PCDH15: variants seen among roughly 807,000 people sequenced by gnomAD.
The protein encoded by PCDH15 is protocadherin-15.
In PCDH15, 129 loss-of-function variants were observed where a neutral mutation model predicts 178.5. That is an observed-to-expected ratio of 0.72 (90% confidence interval 0.63 to 0.84). The LOEUF (loss-of-function observed/expected upper bound fraction) is 0.84. Ranked by LOEUF, PCDH15 falls within the 40% of genes least tolerant of loss-of-function variation. The pLI, the probability that PCDH15 is intolerant of heterozygous loss-of-function variation, is 0.00. For synonymous variants in PCDH15, 800 were observed against 732.0 expected (o/e 1.09, Z -1.50); for missense variants, 2,230 against 2,099.9 (o/e 1.06, Z -1.21).
chr10:54,344,904 C>CAAAAAAAAAAAAA (rs57295345), intron 6 of PCDH15, among the ~76,000 whole-genome samples: 7 of 78,888 alleles, frequency 8.9e-5, no homozygotes, highest in Non-Finnish European at 1.4e-4. Context: ...AGAAACAAAG[C>CAAAAAAAAAAAAA]AAAAAAAAAA....
rs1425011201 is a variant in PCDH15 at position 53,866,362 on chromosome 10, T to C, written c.3717+280A>G. Among the ~76,000 whole-genome samples, 3 of 151,756 alleles carry C rather than the reference T, an allele frequency of 2.0e-5. No homozygotes were observed. In the South Asian group the frequency reaches 6.2e-4, roughly 31 times the overall value. ...AAATAGAAATCCAGTGCTTATACCTTTGCTGTTACAATCATATTTTTTCAA... is the reference window on the plus strand; with the variant it reads ...AAATAGAAATCCAGTGCTTATACCTCTGCTGTTACAATCATATTTTTTCAA... On this transcript the variant is annotated intron_variant, in intron 27 of 37. Coordinates refer to ENST00000644397, the MANE Select transcript of PCDH15 (RefSeq NM_001384140.1).
At chr10:55,328,373 T>A (rs1434977599) in intron 2 of PCDH15, among the ~76,000 whole-genome samples, 1 of 151,886 alleles carries the variant, frequency 6.6e-6, no homozygotes, top group Non-Finnish European at 1.5e-5. Context: ...ACTACACATG[T>A]ATATGGTCTA....
chr10:55,007,495 T>A (rs923382782), intron 2 of PCDH15, among the ~76,000 whole-genome samples: 1 of 139,514 alleles, frequency 7.2e-6, no homozygotes, highest in African/African-American at 2.7e-5. Flanking sequence ...GTCAAAATGT[T>A]TAACATGAAT....
chr10:54,818,844 A>AGG (rs1564536106), intron 3 of PCDH15, among the ~76,000 whole-genome samples: 1 of 152,090 alleles, frequency 6.6e-6, no homozygotes. Context: ...CTAATTTTTT[A>AGG]GATGATCTGT....
At chr10:54,404,378 C>T (rs1158796533) in intron 3 of PCDH15, among the ~76,000 whole-genome samples, 6 of 152,006 alleles carry the variant, frequency 3.9e-5, no homozygotes, top group African/African-American at 1.4e-4. Flanking sequence ...ATGCCTCCAA[C>T]TATCTGATCT....
chr10:55,538,090 G>A (rs1841624404), intron 2 of PCDH15, among the ~76,000 whole-genome samples: 1 of 152,134 alleles, frequency 6.6e-6, no homozygotes, highest in Non-Finnish European at 1.5e-5. Context: ...ATAATCGTTT[G>A]CTCTAAAGAG....
At chr10:54,982,397 T>C (rs951136977) in intron 2 of PCDH15, among the ~76,000 whole-genome samples, 1 of 152,176 alleles carries the variant, frequency 6.6e-6, no homozygotes, top group Non-Finnish European at 1.5e-5. Flanking sequence ...AGTCAAAGTT[T>C]ATCTATATCA....
At chr10:55,542,406 TATATGTAC>T (rs1236851643) in intron 2 of PCDH15, among the ~76,000 whole-genome samples, 4 of 151,062 alleles carry the variant, frequency 2.6e-5, no homozygotes, top group Non-Finnish European at 5.9e-5. Flanking sequence ...GATACATATG[TATATGTAC>T]ATATGTACAG....
intron 2 of PCDH15, among the ~76,000 whole-genome samples, chr10:55,504,919 T>C (rs1439836204): frequency 6.6e-6 from 1 of 151,456 alleles, no homozygotes; most frequent in Non-Finnish European, 1.5e-5. Flanking sequence ...ACTTTAGTGC[T>C]TTAGTTCTTA....
At chr10:55,210,457 T>C (rs994619443) in intron 1 of PCDH15, among the ~76,000 whole-genome samples, 9 of 151,454 alleles carry the variant, frequency 5.9e-5, no homozygotes, top group Admixed American at 1.3e-4. Context: ...TTGAAGAACA[T>C]AGACAATAGC....
At chr10:55,507,544 C>CCTTTTAAT (rs1193453868) in intron 2 of PCDH15, among the ~76,000 whole-genome samples, 1 of 151,370 alleles carries the variant, frequency 6.6e-6, no homozygotes, top group Non-Finnish European at 1.5e-5. Context: ...CTTTTCTTTT[C>CCTTTTAAT]TTTTTAATTT....
intron 2 of PCDH15, among the ~76,000 whole-genome samples, chr10:55,385,478 A>G (rs1361653302): frequency 6.6e-6 from 1 of 152,126 alleles, no homozygotes; most frequent in East Asian, 1.9e-4. Flanking sequence ...TTGGCCCATC[A>G]ATACCCAAAA....
chr10:54,423,668 G>A (rs996458252), intron 3 of PCDH15, among the ~76,000 whole-genome samples: 3 of 151,860 alleles, frequency 2.0e-5, no homozygotes, highest in African/African-American at 7.3e-5. Flanking sequence ...ACTTTTGGGA[G>A]AGGAAACATC....
chr10:55,381,361 G>T (rs2132001487), intron 2 of PCDH15, among the ~76,000 whole-genome samples: 1 of 152,216 alleles, frequency 6.6e-6, no homozygotes, highest in South Asian at 2.1e-4. Flanking sequence ...TTTACATGCT[G>T]ATCTAGAGCC....
intron 8 of PCDH15, among the ~76,000 whole-genome samples, chr10:54,251,552 C>A (rs1387818786): frequency 6.6e-6 from 1 of 152,116 alleles, no homozygotes; most frequent in African/African-American, 2.4e-5. Context: ...GTAGAGAGTG[C>A]TTTTTTTAAC....
chr10:53,888,997 G>T (rs61858327), intron 26 of PCDH15, among the ~76,000 whole-genome samples: 1,708 of 150,110 alleles, frequency 0.011, 19 homozygotes, highest in Non-Finnish European at 0.014. Flanking sequence ...AGAAAATGAT[G>T]CTGGTCAATT....
chr10:54,209,444 A>C (rs938399233), intron 10 of PCDH15, among the ~76,000 whole-genome samples: 1 of 152,078 alleles, frequency 6.6e-6, no homozygotes, highest in African/African-American at 2.4e-5. Context: ...CAAAGGTATC[A>C]GGAAGGGATT....
intron 13 of PCDH15, among the ~76,000 whole-genome samples, chr10:54,163,036 C>G (rs992241795): frequency 6.6e-6 from 1 of 151,568 alleles, no homozygotes; most frequent in African/African-American, 2.4e-5. Context: ...TATATGGTGA[C>G]CCCATATCCT....
At chr10:55,590,500 A>G (rs1842823851) in intron 2 of PCDH15, among the ~76,000 whole-genome samples, 1 of 152,110 alleles carries the variant, frequency 6.6e-6, no homozygotes, top group Admixed American at 6.6e-5. Flanking sequence ...AAATAATAAT[A>G]TCATGATACT....
Sources: allele counts gnomAD v4.1 joint callset (sites outside exome capture counted in the v4.1 genomes callset), GRCh38; gene constraint gnomAD v4.1.1; transcripts MANE v1.5; gene names NCBI Gene and HGNC (gene_info 2026-07-23, HGNC 2026-07-21).